The following CYP19A1 variants were observed in gnomAD, a reference collection of about 807,000 sequenced individuals.
CYP19A1 encodes the protein cytochrome P450 family 19 subfamily A member 1, also known as aromatase.
Under a neutral mutation model 44.4 loss-of-function variants are expected in CYP19A1, and 32 were observed. The ratio of observed to expected loss-of-function variants is 0.72; its 90% CI spans 0.54 to 0.97. The LOEUF (loss-of-function observed/expected upper bound fraction) is 0.97, where lower values mean the gene tolerates loss of function less well. CYP19A1 is among the 50% of genes least tolerant of loss of function. The pLI is 0.00. For missense variants in CYP19A1, 598 were observed against 637.8 expected (o/e 0.94, Z 0.67); for synonymous variants, 212 against 215.6 (o/e 0.98, Z 0.14).
intron 1 of CYP19A1, among the ~76,000 whole-genome samples, chr15:51,260,763 AAT>A (rs1206008364): frequency 6.6e-6 from 1 of 152,194 alleles, no homozygotes; most frequent in Non-Finnish European, 1.5e-5. Flanking sequence ...GAGGTAAAGA[AAT>A]AGTCAAATCA....
At chr15:51,329,403 A>C (rs1436707153) in intron 1 of CYP19A1, among the ~76,000 whole-genome samples, 1 of 152,058 alleles carries the variant, frequency 6.6e-6, no homozygotes, top group East Asian at 1.9e-4. Flanking sequence ...CAGGATTTCC[A>C]CCCCTTTTCA....
intron 2 of CYP19A1, among the ~76,000 whole-genome samples, chr15:51,239,444 C>T (rs1488016763): frequency 6.6e-6 from 1 of 152,168 alleles, no homozygotes; most frequent in Non-Finnish European, 1.5e-5. Context: ...ATTTATATAA[C>T]TCAATACCCT....
chr15:51,268,983 T>G (rs1051987576), intron 1 of CYP19A1, among the ~76,000 whole-genome samples: 2 of 152,168 alleles, frequency 1.3e-5, no homozygotes, highest in Non-Finnish European at 1.5e-5. Flanking sequence ...TACTTTATCT[T>G]AGTCTGTGCT....
At chr15:51,320,169 C>T (rs1006606104) in intron 1 of CYP19A1, 4 of 152,348 alleles carry the variant, frequency 2.6e-5, no homozygotes, top group African/African-American at 9.6e-5. Flanking sequence ...CCTCGGCTCC[C>T]ATCCCTGCTC....
In CYP19A1 at chr15:51,325,160, CAAG is replaced by C. The variant is rs2036586967; in HGVS notation, c.-39+13332_-39+13334del. The stretch of plus-strand genomic sequence containing the variant: ...CCCAGGAGGCTGAGGCCAGCTTGGG[CAAG>C]AAGCAAGAGACCCTATCTCAAAAAA... On this transcript the variant is annotated intron_variant, in intron 1 of 9. Coordinates refer to ENST00000396402, the MANE Select transcript of CYP19A1 (RefSeq NM_000103.4). Among the ~76,000 whole-genome samples the C allele has an allele frequency of 2.0e-5, 3 of 152,148 alleles. No individual in the cohort carries two copies. The South Asian group carries it at 6.2e-4, about 32-fold the overall frequency.
chr15:51,281,144 A>C (rs2035504624), intron 1 of CYP19A1, among the ~76,000 whole-genome samples: 1 of 152,100 alleles, frequency 6.6e-6, no homozygotes, highest in African/African-American at 2.4e-5. Flanking sequence ...AGCAGACAAC[A>C]TTTCTAGAAA....
At chr15:51,280,177 A>T (rs997983608) in intron 1 of CYP19A1, among the ~76,000 whole-genome samples, 3 of 133,076 alleles carry the variant, frequency 2.3e-5, no homozygotes, top group Non-Finnish European at 3.1e-5. Context: ...GCTGGAGTGC[A>T]GTGGCACGAT....
At chr15:51,333,690 A>T (rs1164604424) in intron 1 of CYP19A1, among the ~76,000 whole-genome samples, 1 of 152,174 alleles carries the variant, frequency 6.6e-6, no homozygotes, top group Non-Finnish European at 1.5e-5. Context: ...AAGTCTTGGC[A>T]ATAAAAGGTA....
At chr15:51,255,742 T>G (rs1595727013) in intron 1 of CYP19A1, 1 of 152,240 alleles carries the variant, frequency 6.6e-6, no homozygotes, top group Non-Finnish European at 1.5e-5. Flanking sequence ...GGCGGGGAAC[T>G]CAGGGAGCTT....
At chr15:51,322,215 T>G (rs934362767) in intron 1 of CYP19A1, among the ~76,000 whole-genome samples, 1 of 152,092 alleles carries the variant, frequency 6.6e-6, no homozygotes, top group African/African-American at 2.4e-5. Flanking sequence ...GAGCTGTTGG[T>G]GAGTATGGAG....
At chr15:51,331,969 A>G (rs1335256870) in intron 1 of CYP19A1, among the ~76,000 whole-genome samples, 1 of 152,096 alleles carries the variant, frequency 6.6e-6, no homozygotes, top group Admixed American at 6.5e-5. Flanking sequence ...ATATATATAT[A>G]CAAGAAAGCA....
intron 1 of CYP19A1, among the ~76,000 whole-genome samples, chr15:51,321,408 T>C (rs535891542): frequency 6.6e-6 from 1 of 152,308 alleles, no homozygotes; most frequent in South Asian, 2.1e-4. Context: ...TCCCTCATGA[T>C]GCCCTGCCCA....
intron 3 of CYP19A1, among the ~76,000 whole-genome samples, chr15:51,228,241 A>G (rs1419601125): frequency 2.0e-5 from 3 of 152,132 alleles, no homozygotes; most frequent in African/African-American, 7.2e-5. Flanking sequence ...CCACTACTGG[A>G]GTCAGAGCTG....
intron 3 of CYP19A1, among the ~76,000 whole-genome samples, chr15:51,235,959 C>A (rs760343537): frequency 6.6e-6 from 1 of 152,194 alleles, no homozygotes; most frequent in African/African-American, 2.4e-5. Flanking sequence ...TAGGGAAATA[C>A]GCCATCTTTG....
chr15:51,269,601 C>G (rs2035051654), intron 1 of CYP19A1, among the ~76,000 whole-genome samples: 1 of 152,096 alleles, frequency 6.6e-6, no homozygotes. Flanking sequence ...GACAGTTCCA[C>G]CCTATGGATT....
At chr15:51,220,067 A>G (rs1338819436) in intron 5 of CYP19A1, among the ~76,000 whole-genome samples, 1 of 152,220 alleles carries the variant, frequency 6.6e-6, no homozygotes. Context: ...CAAGTGTAGT[A>G]TACCAGGTAG....
At chr15:51,235,014 T>C (rs2033296144) in intron 3 of CYP19A1, among the ~76,000 whole-genome samples, 1 of 152,020 alleles carries the variant, frequency 6.6e-6, no homozygotes, top group Non-Finnish European at 1.5e-5. Context: ...TGGGGAGAGC[T>C]GAAAGGCAGG....
At chr15:51,223,593 T>TCTCACACACACACACACACACACA (rs1356666512) in intron 4 of CYP19A1, among the ~76,000 whole-genome samples, 21 of 90,202 alleles carry the variant, frequency 2.3e-4, no homozygotes, top group East Asian at 9.4e-4. Context: ...TCTCTCTCTC[T>TCTCACACACACACACACACACACA]CACACACACA....
At chr15:51,214,594 T>C (rs189491945) in intron 8 of CYP19A1, among the ~76,000 whole-genome samples, 4 of 152,344 alleles carry the variant, frequency 2.6e-5, no homozygotes, top group Admixed American at 2.6e-4. Flanking sequence ...GGACGATAAT[T>C]TCCCTGGGAG....
Sources: allele counts gnomAD v4.1 joint callset (sites outside exome capture counted in the v4.1 genomes callset), GRCh38; gene constraint gnomAD v4.1.1; transcripts MANE v1.5; gene names NCBI Gene and HGNC (gene_info 2026-07-23, HGNC 2026-07-21).